Variants in JPT1 observed in about 807,000 individuals in gnomAD.
JPT1 encodes the protein androgen-regulated protein 2.
A neutral mutation model predicts 17.0 loss-of-function variants in JPT1; 5 were observed. The observed-to-expected ratio is 0.29, with a 90% CI of 0.15 to 0.62. The LOEUF is 0.62. JPT1 is among the 20% of genes least tolerant of loss of function. JPT1 has a pLI of 0.85. For missense variants in JPT1, 158 were observed against 188.1 expected, an observed-to-expected ratio of 0.84 and a Z score of 0.94; for synonymous variants, 71 against 73.6, an observed-to-expected ratio of 0.96 and a Z score of 0.18.
At chr17:75,138,081 C>T (rs1255819147) in intron 4 of JPT1, among the ~76,000 whole-genome samples, 2 of 152,086 alleles carry the variant, frequency 1.3e-5, no homozygotes, top group South Asian at 2.1e-4. Flanking sequence ...CTCAGCATCC[C>T]AAGTAAGTAG....
intron 1 of JPT1, chr17:75,148,979 A>G (rs2074491907): frequency 7.9e-7 from 1 of 1,263,058 alleles, no homozygotes; most frequent in African/African-American, 1.5e-5. Context: ...ATGGCAAAAG[A>G]TCTAATGGAC....
chr17:75,142,643 G>GGGGGGGATGGAGGGGA, intron 4 of JPT1: 1 of 280,014 alleles, frequency 3.6e-6, no homozygotes, highest in Admixed American at 3.8e-5. Context: ...AGGGAGGGGA[G>GGGGGGGATGGAGGGGA]GGGGGGATGG....
chr17:75,148,813 G>T (rs2074489407), intron 1 of JPT1, 142 bp from the exon 2 acceptor site: 2 of 1,022,372 alleles, frequency 2.0e-6, no homozygotes, highest in Admixed American at 2.7e-5. Context: ...CAGGAAAAAA[G>T]AATCAACTCC....
At chr17:75,139,975 G>T (rs1568029322) in intron 4 of JPT1, among the ~76,000 whole-genome samples, 1 of 152,100 alleles carries the variant, frequency 6.6e-6, no homozygotes, top group Non-Finnish European at 1.5e-5. Flanking sequence ...CTCTTGCCAG[G>T]CTGGAGTGCA....
chr17:75,147,952 T>G (rs2074472157), intron 2 of JPT1: 1 of 362,086 alleles, frequency 2.8e-6, no homozygotes, highest in South Asian at 3.5e-5. Context: ...TGTGCCAAGA[T>G]GGCACCACTG....
chr17:75,138,322 A>T (rs897248336), intron 4 of JPT1: 1 of 152,122 alleles, frequency 6.6e-6, no homozygotes, highest in African/African-American at 2.4e-5. Flanking sequence ...TCAGTTGCAT[A>T]TTCTAAGATA....
chr17:75,149,586 C>T (rs1003857513), intron 1 of JPT1, among the ~76,000 whole-genome samples: 44 of 152,074 alleles, frequency 2.9e-4, no homozygotes, highest in African/African-American at 1.1e-3. Flanking sequence ...CCAGGATGCT[C>T]TTGATCTCCT....
In JPT1 at chr17:75,135,928, A is replaced by G; in HGVS notation, c.*174T>C. The stretch of plus-strand genomic sequence containing the variant: ...ACTCATGCCATGGCCCACAGACCCA[A>G]GAGTCAAGGACAGAGAGAAACCTGT... On this transcript the variant is annotated 3_prime_UTR_variant, in exon 5 of 5. Transcript: ENST00000409753. 3 of 1,421,770 alleles carry G rather than the reference A, an allele frequency of 2.1e-6. No individual in the cohort carries two copies. The highest frequency in any genetic ancestry group is 2.9e-6 in the Non-Finnish European group (3 of 1,045,056). 88.1% of individuals were successfully genotyped at this position (1,421,770 alleles called of 1,614,324 possible). A position where few individuals can be genotyped will look rare whatever the true frequency, so the allele number is the denominator to read the frequency against.
At chr17:75,143,823 G>C (rs2074372409) in intron 4 of JPT1, among the ~76,000 whole-genome samples, 1 of 151,648 alleles carries the variant, frequency 6.6e-6, no homozygotes, top group Non-Finnish European at 1.5e-5. Context: ...GTGACAGAGA[G>C]TGAGACTCCA....
intron 2 of JPT1, chr17:75,147,963 C>T (rs1568035262): frequency 9.2e-6 from 3 of 324,796 alleles, no homozygotes; most frequent in African/African-American, 2.1e-5. Flanking sequence ...GGCACCACTG[C>T]ACTCTGTACT....
At chr17:75,147,473 A>C in intron 3 of JPT1, 83 bp downstream of exon 3, 1 of 917,938 alleles carries the variant, frequency 1.1e-6, no homozygotes, top group African/African-American at 1.6e-5. Flanking sequence ...GTAAAATTCC[A>C]GTGGGTGAAC....
At chr17:75,142,922 G>A in intron 4 of JPT1, 5 of 391,366 alleles carry the variant, frequency 1.3e-5, no homozygotes, top group Non-Finnish European at 2.6e-5. Context: ...TTTGTCCACA[G>A]CTACTGGCTG....
At chr17:75,152,190 T>A (rs1478016714) in intron 1 of JPT1, among the ~76,000 whole-genome samples, 1 of 152,254 alleles carries the variant, frequency 6.6e-6, no homozygotes, top group East Asian at 1.9e-4. Context: ...ATCTCAATGT[T>A]TTAGGATCCT....
intron 4 of JPT1, 123 bp downstream of exon 4, chr17:75,146,543 C>T (rs12937657): frequency 6.9e-5 from 46 of 666,998 alleles, no homozygotes; most frequent in Admixed American, 3.0e-4. Flanking sequence ...AGTATGGCGG[C>T]ACTTGGGGCA....
chr17:75,149,420 T>C (rs1042537485), intron 1 of JPT1, among the ~76,000 whole-genome samples: 2 of 152,046 alleles, frequency 1.3e-5, no homozygotes, highest in Non-Finnish European at 2.9e-5. Flanking sequence ...CAGGCTGGAG[T>C]GCAGTGGCGC....
rs1205350887 is a variant in JPT1, at chr17:75,154,324, G to A, written c.56+18C>T. The A allele has an allele frequency of 6.5e-7, 1 of 1,539,306 alleles. No individual in the cohort carries two copies. The highest frequency in any genetic ancestry group is 8.7e-7 in the Non-Finnish European group (1 of 1,143,008). ...CCCCTCAGCCCCGCGCGGCTCGGGC[G>A]CGACCCGGTCGCCTCACCGGGAGCT... On this transcript the variant is annotated intron_variant, in intron 1 of 4. Transcript: ENST00000409753.
chr17:75,144,899 G>A lies in JPT1; in HGVS notation c.316+1767C>T, dbSNP rs144825364. 2.6e-5 allele frequency among the ~76,000 whole-genome samples: 4 copies of A among 152,226 alleles called. No individual in the cohort carries two copies. The East Asian group carries it at 7.7e-4, about 29-fold the overall frequency. ...TGAAAAAAAGAGGAAAAACACGTTT[G>A]AGTGTTTTCCCCCTAAACAGGTCCT... is the stretch of plus-strand genomic sequence containing the variant. On this transcript the variant is annotated intron_variant, in intron 4 of 4. Transcript: ENST00000409753.
chr17:75,146,876 A>T, intron 3 of JPT1, 192 bp from the exon 4 acceptor site: 1 of 544,928 alleles, frequency 1.8e-6, no homozygotes, highest in Non-Finnish European at 3.3e-6. Flanking sequence ...CTGCATGATA[A>T]ATTGCTCTAG....
chr17:75,136,516 C>T (rs567782380), intron 4 of JPT1, among the ~76,000 whole-genome samples: 11 of 151,520 alleles, frequency 7.3e-5, no homozygotes, highest in Non-Finnish European at 1.5e-4. Context: ...TGTTTTTTGA[C>T]GGAGTCTCGC....
Sources: allele counts gnomAD v4.1 joint callset (sites outside exome capture counted in the v4.1 genomes callset), GRCh38; gene constraint gnomAD v4.1.1; transcripts MANE v1.5; gene names NCBI Gene and HGNC (gene_info 2026-07-23, HGNC 2026-07-21).